MDGA2: variants seen among roughly 807,000 people sequenced by gnomAD.
MDGA2 encodes MAM domain-containing glycosylphosphatidylinositol anchor protein 2.
A neutral mutation model predicts 117.8 loss-of-function variants in MDGA2; 40 were observed. The ratio of observed to expected loss-of-function variants is 0.34; its 90% CI spans 0.26 to 0.44. The LOEUF is 0.44. Ranked by LOEUF, MDGA2 falls within the 20% of genes least tolerant of loss-of-function variation. The pLI, the probability that MDGA2 is intolerant of heterozygous loss-of-function variation, is 1.00. For missense variants in MDGA2, 1,123 were observed against 1,250.6 expected, an observed-to-expected ratio of 0.90 and a Z score of 1.54; for synonymous variants, 452 against 439.0, an observed-to-expected ratio of 1.03 and a Z score of -0.37.
rs34567649 is a variant in MDGA2, at chr14:46,841,627, ATT to A, written c.*302_*303del. The stretch of plus-strand genomic sequence containing the variant: ...TAGCTCTTTTTTTTTTCTTTTTTTC[ATT>A]TTTTTTTTTTTTTCCAGAGTTCAAC... On this transcript the variant is annotated 3_prime_UTR_variant, in exon 17 of 17. Coordinates refer to ENST00000399232, the MANE Select transcript of MDGA2 (RefSeq NM_001113498.3). 1.7e-4 allele frequency: 22 copies of A among 130,130 alleles called. No homozygotes were observed. The highest frequency in any genetic ancestry group is 5.8e-4 in the East Asian group (3 of 5,150). The allele number at this position is 130,130 out of a possible 1,614,324, so 8.1% of individuals were successfully genotyped here. A position where few individuals can be genotyped will look rare whatever the true frequency, so the allele number is the denominator to read the frequency against.
chr14:47,517,654 G>T (rs573728812), intron 1 of MDGA2, among the ~76,000 whole-genome samples: 1 of 152,140 alleles, frequency 6.6e-6, no homozygotes, highest in African/African-American at 2.4e-5. Context: ...CAATGAACTT[G>T]GGCAGCTCAT....
chr14:47,008,555 A>T (rs4412901), intron 8 of MDGA2, among the ~76,000 whole-genome samples: 54,166 of 151,662 alleles, frequency 0.36, 10,695 homozygotes, highest in East Asian at 0.59. Context: ...ACAGACTTAA[A>T]TATTTAAATC....
intron 1 of MDGA2, among the ~76,000 whole-genome samples, chr14:47,487,865 C>G (rs1404730603): frequency 6.6e-6 from 1 of 151,990 alleles, no homozygotes; most frequent in Non-Finnish European, 1.5e-5. Flanking sequence ...TATAACAAGT[C>G]TATATTTATG....
chr14:46,983,462 T>A (rs2138394770), intron 8 of MDGA2, among the ~76,000 whole-genome samples: 1 of 152,258 alleles, frequency 6.6e-6, no homozygotes, highest in South Asian at 2.1e-4. Context: ...AACCGAAATA[T>A]TCTATTAATA....
intron 3 of MDGA2, among the ~76,000 whole-genome samples, chr14:47,189,462 GA>G (rs1885031012): frequency 1.3e-5 from 2 of 152,080 alleles, no homozygotes; most frequent in South Asian, 2.1e-4. Context: ...AGATAAAGGT[GA>G]AAAATATTAT....
chr14:47,506,484 TTC>T (rs1004166436), intron 1 of MDGA2, among the ~76,000 whole-genome samples: 2 of 152,154 alleles, frequency 1.3e-5, no homozygotes, highest in African/African-American at 4.8e-5. Flanking sequence ...CTTCGTATGT[TTC>T]TCTCTCTTTT....
intron 1 of MDGA2, among the ~76,000 whole-genome samples, chr14:47,435,731 G>A (rs896553712): frequency 1.3e-5 from 2 of 152,092 alleles, no homozygotes; most frequent in African/African-American, 4.8e-5. Context: ...CTTGTACTGA[G>A]AGGCACATGG....
At chr14:47,278,257 CT>C (rs1888368170) in intron 2 of MDGA2, among the ~76,000 whole-genome samples, 1 of 151,982 alleles carries the variant, frequency 6.6e-6, no homozygotes, top group Admixed American at 6.6e-5. Context: ...AAAGGTTACT[CT>C]TGGAGAATAT....
intron 5 of MDGA2, among the ~76,000 whole-genome samples, chr14:47,119,333 A>G (rs966359148): frequency 1.9e-4 from 29 of 151,934 alleles, no homozygotes; most frequent in African/African-American, 5.8e-4. Flanking sequence ...CCAAAGTGCT[A>G]GGATTACAGG....
intron 8 of MDGA2, among the ~76,000 whole-genome samples, chr14:47,033,503 A>G (rs1888734742): frequency 6.6e-6 from 1 of 152,086 alleles, no homozygotes; most frequent in African/African-American, 2.4e-5. Context: ...AGGGTATCTC[A>G]TTTTTTAGAA....
Position 47,213,621 on chromosome 14 carries a change from T to C in MDGA2, c.595+4400A>G, listed in dbSNP as rs540755297. ...GTAGTATCTACTTGATTGTAAAATT[T>C]TGTTTTACTGTTTTCCAGCCCTTCT... On this transcript the variant is annotated intron_variant, in intron 3 of 16. Coordinates refer to ENST00000399232, the MANE Select transcript of MDGA2 (RefSeq NM_001113498.3). 8.6e-3 allele frequency among the ~76,000 whole-genome samples: 325 copies of C among 37,848 alleles called. 4 individuals carry two copies. Among genetic ancestry groups the C allele is most frequent in the African/African-American group, 0.046 (310 of 6,784 alleles). 24.8% of individuals were successfully genotyped at this position (37,848 alleles called of 152,430 possible). A position where few individuals can be genotyped will look rare whatever the true frequency, so the allele number is the denominator to read the frequency against.
At chr14:47,039,060 A>G (rs948019993) in intron 7 of MDGA2, among the ~76,000 whole-genome samples, 34 of 152,098 alleles carry the variant, frequency 2.2e-4, no homozygotes, top group African/African-American at 7.7e-4. Flanking sequence ...ATGTTTTTCT[A>G]TCTTTCTGTC....
intron 5 of MDGA2, among the ~76,000 whole-genome samples, chr14:47,108,871 G>A (rs563842588): frequency 6.6e-6 from 1 of 152,180 alleles, no homozygotes; most frequent in Non-Finnish European, 1.5e-5. Context: ...GATGATCCCC[G>A]TGTATAAGCT....
At chr14:47,321,384 A>T (rs1317117774) in intron 1 of MDGA2, among the ~76,000 whole-genome samples, 1 of 152,198 alleles carries the variant, frequency 6.6e-6, no homozygotes, top group African/African-American at 2.4e-5. Flanking sequence ...GTTCCTGCAG[A>T]TTTTATCAAA....
At chr14:47,310,992 T>C (rs1411682541) in intron 1 of MDGA2, among the ~76,000 whole-genome samples, 1 of 152,124 alleles carries the variant, frequency 6.6e-6, no homozygotes, top group Non-Finnish European at 1.5e-5. Context: ...AGAAGCCATA[T>C]ATCATGTGGG....
chr14:47,105,781 C>T (rs1457106775), intron 5 of MDGA2, among the ~76,000 whole-genome samples: 1 of 151,586 alleles, frequency 6.6e-6, no homozygotes, highest in African/African-American at 2.4e-5. Context: ...AGTACCAACC[C>T]CAAGCATCGC....
intron 1 of MDGA2, among the ~76,000 whole-genome samples, chr14:47,387,684 C>T (rs1424423207): frequency 6.6e-6 from 1 of 152,138 alleles, no homozygotes; most frequent in Non-Finnish European, 1.5e-5. Flanking sequence ...AGCATGTGGG[C>T]ATAATTATTT....
chr14:47,197,757 A>G (rs894896323), intron 3 of MDGA2, among the ~76,000 whole-genome samples: 1 of 152,124 alleles, frequency 6.6e-6, no homozygotes, highest in African/African-American at 2.4e-5. Flanking sequence ...AAAAATACAA[A>G]AATTAGCTGG....
chr14:46,962,559 C>T (rs956134512), intron 8 of MDGA2, among the ~76,000 whole-genome samples: 3 of 152,122 alleles, frequency 2.0e-5, no homozygotes, highest in East Asian at 1.9e-4. Flanking sequence ...CATTGTACTT[C>T]TTTCATTAAA....
Sources: allele counts gnomAD v4.1 joint callset (sites outside exome capture counted in the v4.1 genomes callset), GRCh38; gene constraint gnomAD v4.1.1; transcripts MANE v1.5; gene names NCBI Gene and HGNC (gene_info 2026-07-23, HGNC 2026-07-21).